Variants in PCDH15 observed in about 807,000 individuals in gnomAD.
The protein encoded by PCDH15 is protocadherin related 15.
In PCDH15, 129 loss-of-function variants were observed where a neutral mutation model predicts 178.5. That is an observed-to-expected ratio of 0.72 (90% confidence interval 0.63 to 0.84). The LOEUF (loss-of-function observed/expected upper bound fraction) is 0.84. Among genes scored for constraint, PCDH15 ranks in the 40% least tolerant of loss-of-function variants. PCDH15 has a pLI of 0.00. For missense variants in PCDH15, 2,230 were observed against 2,099.9 expected (o/e 1.06, Z -1.21); for synonymous variants, 800 against 732.0 (o/e 1.09, Z -1.50).
intron 1 of PCDH15, among the ~76,000 whole-genome samples, chr10:54,724,463 C>T (rs775552263): frequency 6.6e-6 from 1 of 151,090 alleles, no homozygotes; most frequent in African/African-American, 2.4e-5. Context: ...GAGTAGAAGC[C>T]CAGTCCCTAA....
chr10:54,522,034 G>A (rs1364696230), intron 3 of PCDH15, among the ~76,000 whole-genome samples: 5 of 134,040 alleles, frequency 3.7e-5, no homozygotes, highest in Non-Finnish European at 6.1e-5. Context: ...CTTGCAGTGA[G>A]CCAAGATCAC....
At chr10:54,299,150 A>AAAGAGG (rs2059986161) in intron 8 of PCDH15, among the ~76,000 whole-genome samples, 1 of 152,154 alleles carries the variant, frequency 6.6e-6, no homozygotes, top group Non-Finnish European at 1.5e-5. Flanking sequence ...AAGGAAAGAG[A>AAAGAGG]GAAAGAGACA....
chr10:53,973,091 C>T (rs182849159), intron 21 of PCDH15, among the ~76,000 whole-genome samples: 215 of 152,102 alleles, frequency 1.4e-3, no homozygotes, highest in African/African-American at 5.1e-3. Context: ...CACATATACA[C>T]CATGGAATAC....
chr10:54,890,050 C>A (rs939238909), intron 3 of PCDH15, among the ~76,000 whole-genome samples: 1 of 152,010 alleles, frequency 6.6e-6, no homozygotes, highest in South Asian at 2.1e-4. Context: ...TAATACATTT[C>A]TTAGATAAAT....
intron 14 of PCDH15, among the ~76,000 whole-genome samples, chr10:54,136,034 C>T (rs1246417601): frequency 6.6e-6 from 1 of 152,156 alleles, no homozygotes; most frequent in African/African-American, 2.4e-5. Context: ...AACGATCTTG[C>T]ATTTTCCTTA....
intron 3 of PCDH15, among the ~76,000 whole-genome samples, chr10:54,442,711 A>C (rs2075904719): frequency 6.6e-6 from 1 of 151,104 alleles, no homozygotes; most frequent in Non-Finnish European, 1.5e-5. Flanking sequence ...ATCTGTCTTC[A>C]TGAAGTTTAA....
intron 8 of PCDH15, among the ~76,000 whole-genome samples, chr10:54,292,429 T>A (rs1195509020): frequency 6.6e-6 from 1 of 152,178 alleles, no homozygotes; most frequent in Non-Finnish European, 1.5e-5. Context: ...GGATGTCCTC[T>A]CTCACCACTC....
intron 1 of PCDH15, among the ~76,000 whole-genome samples, chr10:54,742,610 G>C (rs1260774472): frequency 6.6e-6 from 1 of 151,998 alleles, no homozygotes; most frequent in Non-Finnish European, 1.5e-5. Context: ...TGATGACGTA[G>C]AGTGACACAT....
intron 21 of PCDH15, among the ~76,000 whole-genome samples, chr10:53,970,949 A>G (rs1039608588): frequency 1.3e-5 from 2 of 152,226 alleles, no homozygotes; most frequent in South Asian, 4.1e-4. Context: ...TGAAGTCAGC[A>G]TCATCCTGAT....
intron 8 of PCDH15, among the ~76,000 whole-genome samples, chr10:54,289,974 C>T (rs975985812): frequency 1.3e-5 from 2 of 152,188 alleles, no homozygotes; most frequent in African/African-American, 4.8e-5. Context: ...AAACACTATT[C>T]AGGATATTAT....
rs561812449 is a variant in PCDH15, at chr10:54,914,893, T to G, written c.-79-17393A>C. ...GTCCTCACTCAAGGACATGCCATTA[T>G]CCTTATCTGGGACATGCCATTCTCA... is the stretch of plus-strand genomic sequence containing the variant. On this transcript the variant is annotated intron_variant, in intron 2 of 5. Transcript: ENST00000458638. Among the ~76,000 whole-genome samples the G allele has an allele frequency of 7.9e-4, 120 of 152,314 alleles. 2 individuals are homozygous for G. The South Asian group carries it at 0.024, about 30-fold the overall frequency.
chr10:55,441,901 G>A (rs1417980481), intron 2 of PCDH15, among the ~76,000 whole-genome samples: 2 of 151,974 alleles, frequency 1.3e-5, no homozygotes, highest in East Asian at 3.9e-4. Flanking sequence ...GAGAAGTTGG[G>A]CACACACAGA....
intron 2 of PCDH15, among the ~76,000 whole-genome samples, chr10:54,530,145 C>T (rs1238262421): frequency 2.0e-5 from 3 of 152,038 alleles, no homozygotes; most frequent in Non-Finnish European, 4.4e-5. Flanking sequence ...TGAAGCTAAG[C>T]CAAATAATAT....
intron 2 of PCDH15, among the ~76,000 whole-genome samples, chr10:55,405,390 G>T (rs1042310863): frequency 4.7e-5 from 7 of 149,046 alleles, no homozygotes; most frequent in Non-Finnish European, 8.9e-5. Flanking sequence ...AGACTTCTTT[G>T]GCTTTAAATA....
intron 1 of PCDH15, among the ~76,000 whole-genome samples, chr10:54,781,858 C>G (rs1231697902): frequency 6.6e-6 from 1 of 152,092 alleles, no homozygotes; most frequent in Non-Finnish European, 1.5e-5. Context: ...ACACGAGGTT[C>G]CTGCTTTCAA....
chr10:54,092,019 G>T (rs890922409), intron 15 of PCDH15, among the ~76,000 whole-genome samples: 20 of 152,026 alleles, frequency 1.3e-4, no homozygotes, highest in African/African-American at 4.6e-4. Flanking sequence ...CAATTTAAAA[G>T]GTTAAAAGCC....
chr10:54,229,960 A>C (rs2053878129), intron 9 of PCDH15, among the ~76,000 whole-genome samples: 1 of 152,180 alleles, frequency 6.6e-6, no homozygotes, highest in African/African-American at 2.4e-5. Flanking sequence ...CAAGTAAAAT[A>C]ATCTTTTTTT....
chr10:54,815,924 T>C (rs1952942536), intron 3 of PCDH15, among the ~76,000 whole-genome samples: 1 of 152,136 alleles, frequency 6.6e-6, no homozygotes, highest in African/African-American at 2.4e-5. Flanking sequence ...CTATAATACA[T>C]ATAACATGCA....
rs1233201689 is a variant in PCDH15 at position 53,809,029 on chromosome 10, A to G, written c.4671+1527T>C. On this transcript the variant is annotated intron_variant, in intron 37 of 37. Coordinates refer to ENST00000644397, the MANE Select transcript of PCDH15 (RefSeq NM_001384140.1). ...TTGTGGCTCCTCTTTCCTACCCTTG[A>G]CTTCCTTGACCTCCTCAACCATGGG... 5 of 1,599,856 alleles carry G rather than the reference A, an allele frequency of 3.1e-6. No individual in the cohort carries two copies. The South Asian group carries it at 3.4e-5, about 11-fold the overall frequency.
Sources: gnomAD v4.1 joint callset for allele counts (sites outside exome capture counted in the v4.1 genomes callset) on GRCh38, gnomAD v4.1.1 for gene constraint, MANE v1.5 for transcripts, NCBI Gene and HGNC (gene_info 2026-07-23, HGNC 2026-07-21) for gene names.